The following PHF24 variants were observed in gnomAD, a reference collection of about 807,000 sequenced individuals.
The protein encoded by PHF24 is Galpha inhibitory interacting protein.
A neutral mutation model predicts 42.6 loss-of-function variants in PHF24; 25 were observed. That is an observed-to-expected ratio of 0.59 (90% confidence interval 0.43 to 0.82). The LOEUF (loss-of-function observed/expected upper bound fraction) is 0.82, where lower values mean the gene tolerates loss of function less well. PHF24 is among the 40% of genes least tolerant of loss of function. The pLI, the probability that PHF24 is intolerant of heterozygous loss-of-function variation, is 0.00. For missense variants in PHF24, 470 were observed against 538.1 expected, an observed-to-expected ratio of 0.87 and a Z score of 1.25; for synonymous variants, 185 against 204.8, an observed-to-expected ratio of 0.90 and a Z score of 0.83.
chr9:34,929,567 T>C, the PHF24 span, among the ~76,000 whole-genome samples: 1 of 152,206 alleles, frequency 6.6e-6, no homozygotes, highest in African/African-American at 2.4e-5. Context: ...AGTGATCTTA[T>C]TCTATTAGTA....
At chr9:34,832,800 C>G in the PHF24 span, 5 of 1,551,436 alleles carry the variant, frequency 3.2e-6, no homozygotes, top group South Asian at 5.9e-5. Context: ...GAAAGGCTGA[C>G]CCTGTGAAGC....
At chr9:34,738,661 C>G in the PHF24 span, among the ~76,000 whole-genome samples, 1,660 of 152,280 alleles carry the variant, frequency 0.011, 18 homozygotes, top group Admixed American at 0.027. Flanking sequence ...TTCTTTACAT[C>G]TAAGGATGGA....
At chr9:34,708,207 G>T in the PHF24 span, among the ~76,000 whole-genome samples, 1 of 152,126 alleles carries the variant, frequency 6.6e-6, no homozygotes, top group Non-Finnish European at 1.5e-5. Context: ...CAGGAGAGGA[G>T]ACTGATTCAC....
the PHF24 span, among the ~76,000 whole-genome samples, chr9:34,748,476 T>C: frequency 6.6e-6 from 1 of 152,166 alleles, no homozygotes; most frequent in East Asian, 1.9e-4. Flanking sequence ...CTAGTTGTGG[T>C]GGCCACAGGC....
chr9:34,825,349 G>A, the PHF24 span, among the ~76,000 whole-genome samples: 9 of 151,224 alleles, frequency 6.0e-5, no homozygotes, highest in African/African-American at 2.0e-4. Context: ...CCAGAGGTAT[G>A]CATGTGAAAC....
the PHF24 span, among the ~76,000 whole-genome samples, chr9:34,733,043 C>T: frequency 9.9e-5 from 15 of 152,108 alleles, no homozygotes; most frequent in Non-Finnish European, 2.1e-4. Flanking sequence ...AGGAGAAATT[C>T]CTAAGAGTTG....
At chr9:34,914,089 C>G in the PHF24 span, among the ~76,000 whole-genome samples, 1 of 152,172 alleles carries the variant, frequency 6.6e-6, no homozygotes, top group Non-Finnish European at 1.5e-5. Flanking sequence ...AAATCAATTA[C>G]TACTAGTCTA....
the PHF24 span, among the ~76,000 whole-genome samples, chr9:34,947,607 G>A: frequency 2.6e-5 from 4 of 152,104 alleles, no homozygotes; most frequent in African/African-American, 9.7e-5. Flanking sequence ...CCTTCAGGAC[G>A]TATTCCAGAA....
chr9:34,965,278 T>G (rs1028552115), intron 1 of PHF24, among the ~76,000 whole-genome samples: 1 of 152,186 alleles, frequency 6.6e-6, no homozygotes, highest in East Asian at 1.9e-4. Flanking sequence ...GTATTAAGAG[T>G]TTTAGACTCG....
the PHF24 span, chr9:34,666,169 C>T: frequency 5.8e-6 from 1 of 173,306 alleles, no homozygotes; most frequent in Non-Finnish European, 1.3e-5. Context: ...CGGGGTGAGG[C>T]CAGGGGCGGG....
the PHF24 span, among the ~76,000 whole-genome samples, chr9:34,751,663 G>T: frequency 9.9e-5 from 15 of 152,142 alleles, no homozygotes; most frequent in Middle Eastern, 3.4e-3. Context: ...AATCAACAAA[G>T]AAAAATCAGA....
At chr9:34,728,563 A>G in the PHF24 span, 1 of 1,537,664 alleles carries the variant, frequency 6.5e-7, no homozygotes. Context: ...GATTCATGGG[A>G]AACACCCACA....
chr9:34,968,218 G>A (rs10123919), intron 1 of PHF24, among the ~76,000 whole-genome samples: 35,744 of 151,944 alleles, frequency 0.24, 5,015 homozygotes, highest in East Asian at 0.68. Flanking sequence ...TTAGTCTTTC[G>A]TGGTACGTAA....
chr9:34,972,243 C>A, intron 2 of PHF24, 103 bp from the exon 3 acceptor site: 1 of 1,034,830 alleles, frequency 9.7e-7, no homozygotes, highest in Non-Finnish European at 1.4e-6. Context: ...CTAGGCTAAT[C>A]TGGGAAGACT....
chr9:34,935,305 AC>A, the PHF24 span, among the ~76,000 whole-genome samples: 1 of 152,018 alleles, frequency 6.6e-6, no homozygotes, highest in Non-Finnish European at 1.5e-5. Flanking sequence ...AGAGAATGGA[AC>A]CGGGCGCAGT....
the PHF24 span, among the ~76,000 whole-genome samples, chr9:34,669,019 C>T: frequency 2.0e-5 from 3 of 152,192 alleles, no homozygotes; most frequent in African/African-American, 7.2e-5. Context: ...AAAAATGCAG[C>T]CTTTTGTCTC....
At chr9:34,903,443 G>C in the PHF24 span, among the ~76,000 whole-genome samples, 1 of 152,196 alleles carries the variant, frequency 6.6e-6, no homozygotes, top group Non-Finnish European at 1.5e-5. Context: ...GCATGCTTCT[G>C]TAGCCCTAGC....
chr9:34,828,566 A>G, the PHF24 span, among the ~76,000 whole-genome samples: 1 of 152,146 alleles, frequency 6.6e-6, no homozygotes, highest in East Asian at 1.9e-4. Context: ...CTTCTGTTGT[A>G]TCTTGAATCC....
the PHF24 span, among the ~76,000 whole-genome samples, chr9:34,932,546 C>A: frequency 2.6e-5 from 4 of 152,256 alleles, no homozygotes; most frequent in African/African-American, 9.6e-5. Context: ...CAAAATAGAT[C>A]CTCAGTAAAT....
Sources: allele counts gnomAD v4.1 joint callset (sites outside exome capture counted in the v4.1 genomes callset), GRCh38; gene constraint gnomAD v4.1.1; transcripts MANE v1.5; gene names NCBI Gene and HGNC (gene_info 2026-07-23, HGNC 2026-07-21).